The following DMXL2 variants were observed in gnomAD, a reference collection of about 807,000 sequenced individuals.
DMXL2 encodes the protein dmX-like protein 2.
DMXL2 carries 103 observed loss-of-function variants against 331.1 expected under a neutral mutation model. The ratio of observed to expected loss-of-function variants is 0.31; its 90% CI spans 0.27 to 0.37. The LOEUF is 0.37. Among genes scored for constraint, DMXL2 ranks in the 10% least tolerant of loss-of-function variants. The pLI, the probability that DMXL2 is intolerant of heterozygous loss-of-function variation, is 1.00. For missense variants in DMXL2, 3,171 were observed against 3,642.9 expected, an observed-to-expected ratio of 0.87 and a Z score of 3.33; for synonymous variants, 1,281 against 1,252.1, an observed-to-expected ratio of 1.02 and a Z score of -0.49.
intron 6 of DMXL2, among the ~76,000 whole-genome samples, chr15:51,554,400 C>T (rs1323401561): frequency 6.6e-6 from 1 of 152,088 alleles, no homozygotes; most frequent in African/African-American, 2.4e-5. Flanking sequence ...TTAAAGGTGA[C>T]TGCCTGTTTT....
Position 51,622,511 on chromosome 15 carries a change from T to G in DMXL2, c.35A>C (p.Asn12Thr). 1 of 1,568,630 alleles carries G rather than the reference T, an allele frequency of 6.4e-7. No individual in the cohort carries two copies. The highest frequency in any genetic ancestry group is 1.4e-5 in the African/African-American group (1 of 73,728). Residue 12 changes from asparagine (N) to threonine (T), a missense_variant, in exon 1 of 44, where the codon AAC becomes ACC. This residue lies in a region of DMXL2 where 1,674 missense variants were observed against 1,780.2 expected (regional missense o/e 0.94). Coordinates refer to ENST00000560891, the MANE Select transcript of DMXL2 (RefSeq NM_001378457.1). ...HLHQVLTGAV[N>T]PGDNCYSVGS... ...CACGGAGTAGCAGTTGTCTCCAGGG[T>G]TGACAGCTCCGGTGAGGACCTGATG...
At chr15:51,601,148 G>A (rs1048045257) in intron 1 of DMXL2, among the ~76,000 whole-genome samples, 12 of 151,950 alleles carry the variant, frequency 7.9e-5, no homozygotes, top group Admixed American at 2.0e-4. Flanking sequence ...AAAATTAGCC[G>A]GGCGTGGTGG....
At chr15:51,457,221 T>C in intron 37 of DMXL2, 107 bp downstream of exon 37, 1 of 1,150,134 alleles carries the variant, frequency 8.7e-7, no homozygotes, top group South Asian at 1.6e-5. Flanking sequence ...ATGGCCTATC[T>C]ACTGGTGTTT....
At position 51,536,709 on chromosome 15, in the gene DMXL2, C is replaced by T. The variant is rs200318090; in HGVS notation, c.1771G>A (p.Gly591Arg). 4.2e-5 allele frequency: 67 copies of T among 1,613,924 alleles called. No individual in the cohort carries two copies. In the East Asian group the frequency reaches 5.3e-4, roughly 13 times the overall value. ...TGGGATCTAGAGTGTGGCTGTGATCCGTGAGGACTGCCTACAGACATCCCC... is the reference window on the plus strand; with the variant it reads ...TGGGATCTAGAGTGTGGCTGTGATCTGTGAGGACTGCCTACAGACATCCCC... The part of the protein sequence containing the change: ...QEGMSVGSPH[G>R]SQPHSRSHST... Residue 591 changes from glycine (G) to arginine (R), a missense_variant, in exon 12 of 44, where the codon GGA becomes AGA. Physicochemically the swap from Gly to Arg is moderately radical, Grantham distance 125. Coordinates refer to ENST00000560891, the MANE Select transcript of DMXL2 (RefSeq NM_001378457.1).
chr15:51,543,654 A>G (rs2048727809), intron 8 of DMXL2, among the ~76,000 whole-genome samples: 1 of 152,206 alleles, frequency 6.6e-6, no homozygotes, highest in Non-Finnish European at 1.5e-5. Flanking sequence ...ATATAGAACT[A>G]ACAGTAAGGA....
At chr15:51,511,349 A>G (rs1216038040) in intron 15 of DMXL2, among the ~76,000 whole-genome samples, 4 of 152,248 alleles carry the variant, frequency 2.6e-5, no homozygotes, top group Non-Finnish European at 5.9e-5. Flanking sequence ...ATTTACAAGA[A>G]AAAAATAACC....
intron 13 of DMXL2, among the ~76,000 whole-genome samples, chr15:51,530,518 G>C (rs1162559878): frequency 6.6e-6 from 1 of 151,726 alleles, no homozygotes; most frequent in Non-Finnish European, 1.5e-5. Flanking sequence ...TTGGGAGGCT[G>C]AGGCGAGCAG....
At chr15:51,453,389 C>CT in intron 41 of DMXL2, 161 bp downstream of exon 41, 1 of 498,650 alleles carries the variant, frequency 2.0e-6, no homozygotes, top group Non-Finnish European at 3.4e-6. Flanking sequence ...TTGCTTTTCT[C>CT]TTTTTGGTAA....
In DMXL2 at chr15:51,458,739, A is replaced by G. The variant is rs757972051; in HGVS notation, c.8046T>C (p.Ser2682=). ...GGKAKVIHKE[S]DMIMAFSVNK... ...TAACAGAAAATGCCATGATCATATCAGATTCCTTATGGATGACTTTCGCCT... is the reference window on the plus strand; with the variant it reads ...TAACAGAAAATGCCATGATCATATCGGATTCCTTATGGATGACTTTCGCCT... The change falls in exon 35 of 44, where the codon TCT becomes TCC. Residue 2682 remains serine (S), a synonymous_variant. Transcript: ENST00000560891. 6.2e-7 allele frequency: 1 copy of G among 1,614,074 alleles called. No homozygotes were observed. Among genetic ancestry groups the G allele is most frequent in the Admixed American group, 1.7e-5 (1 of 60,022 alleles).
intron 1 of DMXL2, among the ~76,000 whole-genome samples, chr15:51,586,019 T>A (rs1038437937): frequency 1.3e-5 from 2 of 152,204 alleles, no homozygotes; most frequent in Admixed American, 6.5e-5. Context: ...AGCATTTGAA[T>A]AAGTTCTTTT....
intron 15 of DMXL2, among the ~76,000 whole-genome samples, chr15:51,509,339 A>T (rs1399729023): frequency 6.6e-6 from 1 of 152,184 alleles, no homozygotes; most frequent in African/African-American, 2.4e-5. Flanking sequence ...AAAAGAAAAG[A>T]ATCAAACAGA....
At chr15:51,467,892 A>T (rs2040740532) in intron 29 of DMXL2, among the ~76,000 whole-genome samples, 1 of 151,952 alleles carries the variant, frequency 6.6e-6, no homozygotes, top group African/African-American at 2.4e-5. Flanking sequence ...ACGCCCGGCT[A>T]ATTTTTTGTA....
chr15:51,615,756 C>A (rs2054247399), intron 1 of DMXL2, among the ~76,000 whole-genome samples: 1 of 152,146 alleles, frequency 6.6e-6, no homozygotes, highest in African/African-American at 2.4e-5. Flanking sequence ...AGTGTGGATG[C>A]AGTCAAGGCC....
chr15:51,602,129 G>A (rs1388278062), intron 1 of DMXL2, among the ~76,000 whole-genome samples: 4 of 152,178 alleles, frequency 2.6e-5, no homozygotes, highest in East Asian at 3.9e-4. Context: ...AGATAAATGC[G>A]GTAAGAAGAA....
intron 40 of DMXL2, 48 bp downstream of exon 40, chr15:51,455,103 A>G: frequency 1.4e-6 from 2 of 1,408,280 alleles, no homozygotes; most frequent in Non-Finnish European, 2.0e-6. Flanking sequence ...ACACTTCATG[A>G]ACAAAGTGTT....
At chr15:51,541,419 T>C (rs761599122) in intron 9 of DMXL2, among the ~76,000 whole-genome samples, 1 of 152,158 alleles carries the variant, frequency 6.6e-6, no homozygotes, top group Non-Finnish European at 1.5e-5. Context: ...TTATTTTTTA[T>C]ACTAAGTCTT....
rs2141169130 is a variant in DMXL2, at chr15:51,448,494, G to C, written c.*490C>G. On this transcript the variant is annotated 3_prime_UTR_variant, in exon 44 of 44. Coordinates refer to ENST00000560891, the MANE Select transcript of DMXL2 (RefSeq NM_001378457.1). Reference sequence around the variant, plus strand: ...AACGGCCTCTCACAGCAGAGAACTGGTCACTGCGCACTGCTCCACAGCTAA... The same window carrying C: ...AACGGCCTCTCACAGCAGAGAACTGCTCACTGCGCACTGCTCCACAGCTAA... The C allele has an allele frequency of 5.9e-6, 1 of 169,500 alleles. No individual in the cohort carries two copies. Among genetic ancestry groups the C allele is most frequent in the Non-Finnish European group, 1.3e-5 (1 of 76,524 alleles). The allele number at this position is 169,500 out of a possible 1,614,324, so 10.5% of individuals were successfully genotyped here.
intron 19 of DMXL2, among the ~76,000 whole-genome samples, chr15:51,492,536 C>T (rs142699813): frequency 1.3e-5 from 2 of 152,148 alleles, no homozygotes; most frequent in Non-Finnish European, 2.9e-5. Flanking sequence ...GGGATCTAGG[C>T]TGTTTGAAGA....
intron 2 of DMXL2, among the ~76,000 whole-genome samples, chr15:51,574,277 T>A (rs1034460999): frequency 1.3e-5 from 2 of 152,176 alleles, no homozygotes; most frequent in Non-Finnish European, 2.9e-5. Context: ...TACCACAGCC[T>A]GTTTTCCAAT....
Sources: gnomAD v4.1 joint callset for allele counts (sites outside exome capture counted in the v4.1 genomes callset) on GRCh38, gnomAD v4.1.1 for gene constraint, gnomAD v4.1.1 regional missense constraint, MANE v1.5 for transcripts, NCBI Gene and HGNC (gene_info 2026-07-23, HGNC 2026-07-21) for gene names.